The following PPP2R2B variants were observed in gnomAD, a reference collection of about 807,000 sequenced individuals.
PPP2R2B encodes the protein protein phosphatase 2 regulatory subunit Bbeta.
PPP2R2B carries 5 observed loss-of-function variants against 46.0 expected under a neutral mutation model. The ratio of observed to expected loss-of-function variants is 0.11; its 90% CI spans 0.06 to 0.23. The LOEUF (loss-of-function observed/expected upper bound fraction) is 0.23. Ranked by LOEUF, PPP2R2B falls within the 10% of genes least tolerant of loss-of-function variation. The pLI, the probability that PPP2R2B is intolerant of heterozygous loss-of-function variation, is 1.00. For synonymous variants in PPP2R2B, 215 were observed against 206.7 expected, an observed-to-expected ratio of 1.04 and a Z score of -0.34; for missense variants, 367 against 575.0, an observed-to-expected ratio of 0.64 and a Z score of 3.70.
At chr5:146,676,696 T>C (rs1777739803) in intron 5 of PPP2R2B, among the ~76,000 whole-genome samples, 1 of 152,208 alleles carries the variant, frequency 6.6e-6, no homozygotes, top group Non-Finnish European at 1.5e-5. Flanking sequence ...GCATGCTTTT[T>C]CCAACCCAAA....
At chr5:147,018,042 C>T (rs1345278111) in intron 1 of PPP2R2B, among the ~76,000 whole-genome samples, 2 of 6,210 alleles carry the variant, frequency 3.2e-4, no homozygotes, top group Admixed American at 1.0e-3. Context: ...TGCATGCGCG[C>T]GCACACACAC....
At chr5:147,033,697 C>T (rs2151893022) in intron 1 of PPP2R2B, among the ~76,000 whole-genome samples, 1 of 152,230 alleles carries the variant, frequency 6.6e-6, no homozygotes, top group East Asian at 1.9e-4. Context: ...GGATGCCACT[C>T]ATATTTCCCT....
At chr5:146,643,068 C>G (rs1418715398) in intron 6 of PPP2R2B, among the ~76,000 whole-genome samples, 1 of 152,064 alleles carries the variant, frequency 6.6e-6, no homozygotes, top group Non-Finnish European at 1.5e-5. Context: ...AAAAACAAAA[C>G]AAAAACTTAG....
At chr5:146,658,625 T>G (rs1274748850) in intron 5 of PPP2R2B, among the ~76,000 whole-genome samples, 1 of 152,170 alleles carries the variant, frequency 6.6e-6, no homozygotes, top group African/African-American at 2.4e-5. Context: ...CGTTCCTAAC[T>G]TCCATGTTCT....
At chr5:147,059,306 T>C (rs971821292), upstream of PPP2R2B, among the ~76,000 whole-genome samples, 1 of 152,108 alleles carries the variant, frequency 6.6e-6, no homozygotes, top group Non-Finnish European at 1.5e-5. Flanking sequence ...TGCTTTTGCA[T>C]TAGGCATTAT....
intron 1 of PPP2R2B, among the ~76,000 whole-genome samples, chr5:146,889,958 T>A (rs1168245809): frequency 6.6e-6 from 1 of 152,226 alleles, no homozygotes; most frequent in Non-Finnish European, 1.5e-5. Context: ...AGATGCGACT[T>A]GCCCAGGTTA....
At chr5:146,901,638 C>T (rs1003829287) in intron 1 of PPP2R2B, among the ~76,000 whole-genome samples, 1 of 152,046 alleles carries the variant, frequency 6.6e-6, no homozygotes, top group Admixed American at 6.6e-5. Flanking sequence ...GTCAACAACA[C>T]AAATTCCCTA....
intron 5 of PPP2R2B, among the ~76,000 whole-genome samples, chr5:146,666,933 T>G (rs566352640): frequency 6.6e-6 from 1 of 152,294 alleles, no homozygotes; most frequent in Non-Finnish European, 1.5e-5. Context: ...TATTTGACTG[T>G]TTTGAACTTG....
chr5:146,774,320 C>T (rs907604228), intron 2 of PPP2R2B, among the ~76,000 whole-genome samples: 9 of 152,068 alleles, frequency 5.9e-5, no homozygotes, highest in African/African-American at 1.9e-4. Context: ...ATTATCATCA[C>T]TATCAGCAAT....
chr5:146,648,841 T>G (rs1775752084), intron 6 of PPP2R2B, among the ~76,000 whole-genome samples: 2 of 152,118 alleles, frequency 1.3e-5, no homozygotes, highest in South Asian at 4.2e-4. Flanking sequence ...GAAAAGTGAT[T>G]AGTTGGCTGA....
At chr5:146,707,157 C>T in intron 2 of PPP2R2B, 8 of 1,596,122 alleles carry the variant, frequency 5.0e-6, no homozygotes, top group Non-Finnish European at 5.9e-6. Context: ...GGCCCAGAGT[C>T]TCCAGCTGCC....
intron 5 of PPP2R2B, among the ~76,000 whole-genome samples, chr5:146,682,747 C>T (rs759151950): frequency 6.6e-6 from 1 of 152,136 alleles, no homozygotes; most frequent in Non-Finnish European, 1.5e-5. Flanking sequence ...CATGACTTGA[C>T]CAGGAGTAAG....
At chr5:146,661,695 C>T (rs911705102) in intron 5 of PPP2R2B, among the ~76,000 whole-genome samples, 5 of 152,096 alleles carry the variant, frequency 3.3e-5, no homozygotes, top group African/African-American at 4.8e-5. Context: ...AGGAAAGATA[C>T]CTTTTTCTCA....
chr5:146,724,304 G>A (rs1212081656), intron 2 of PPP2R2B, among the ~76,000 whole-genome samples: 1 of 144,276 alleles, frequency 6.9e-6, no homozygotes, highest in African/African-American at 2.7e-5. Flanking sequence ...GTAAAATGGG[G>A]ACTGTCATAG....
chr5:147,024,961 A>G (rs1755459981), intron 1 of PPP2R2B, among the ~76,000 whole-genome samples: 1 of 152,090 alleles, frequency 6.6e-6, no homozygotes, highest in Admixed American at 6.5e-5. Flanking sequence ...GGAAATAAAG[A>G]TAAGAGCCAG....
intron 2 of PPP2R2B, among the ~76,000 whole-genome samples, chr5:146,824,073 G>A (rs1208417211): frequency 6.6e-6 from 1 of 152,152 alleles, no homozygotes; most frequent in Non-Finnish European, 1.5e-5. Flanking sequence ...AAGCAGCTAA[G>A]CCACAAATTC....
chr5:146,637,544 C>T (rs1051193414), intron 7 of PPP2R2B, among the ~76,000 whole-genome samples: 8 of 152,184 alleles, frequency 5.3e-5, no homozygotes, highest in Non-Finnish European at 1.0e-4. Flanking sequence ...TAACCTTTAT[C>T]CTTCTGCCTT....
chr5:146,707,381 G>C, intron 2 of PPP2R2B: 1 of 792,628 alleles, frequency 1.3e-6, no homozygotes, highest in Non-Finnish European at 2.3e-6. Context: ...TTCACCTTCA[G>C]GTTAAGGGGG....
intron 2 of PPP2R2B, among the ~76,000 whole-genome samples, chr5:146,827,319 G>A (rs1365349124): frequency 1.3e-5 from 2 of 152,170 alleles, no homozygotes; most frequent in African/African-American, 4.8e-5. Context: ...GGAGATTTGT[G>A]TTTGTAAATT....
Sources: gnomAD v4.1 joint callset for allele counts (sites outside exome capture counted in the v4.1 genomes callset) on GRCh38, gnomAD v4.1.1 for gene constraint, MANE v1.5 for transcripts, NCBI Gene and HGNC (gene_info 2026-07-23, HGNC 2026-07-21) for gene names.